PRRT4: variants seen among roughly 807,000 people sequenced by gnomAD.
PRRT4 encodes proline rich transmembrane protein 4.
A neutral mutation model predicts 55.6 loss-of-function variants in PRRT4; 59 were observed. That is an observed-to-expected ratio of 1.06 (90% CI 0.86 to 1.32). The LOEUF (loss-of-function observed/expected upper bound fraction) is 1.32. Among genes scored for constraint, PRRT4 ranks in the 40% most tolerant of loss-of-function variants. The pLI, the probability that PRRT4 is intolerant of heterozygous loss-of-function variation, is 0.00. For synonymous variants in PRRT4, 606 were observed against 601.8 expected (o/e 1.01, Z -0.10); for missense variants, 1,217 against 1,222.0 (o/e 1.00, Z 0.06).
chr7:128,359,538 T>A, exon 2 of PRRT4: 1 of 1,484,718 alleles, frequency 6.7e-7, no homozygotes, highest in Non-Finnish European at 9.0e-7. Context: ...CAGGTCACAG[T>A]GCTCCTCCTG....
Position 128,360,953 on chromosome 7 carries a change from CG to C in PRRT4, c.-73+607del, listed in dbSNP as rs544701498. 4.6e-5 allele frequency among the ~76,000 whole-genome samples: 7 copies of C among 151,904 alleles called. No homozygotes were observed. In the East Asian group the frequency reaches 1.4e-3, roughly 29 times the overall value. Reference sequence around the variant, plus strand: ...ATCTAGCGCCCGTGACACACTCACCCGTCACATACCCCCCTGCCCCTGCACG... The same window carrying C: ...ATCTAGCGCCCGTGACACACTCACCCTCACATACCCCCCTGCCCCTGCACG... On this transcript the variant is annotated intron_variant, in intron 1 of 4. Transcript: ENST00000535159.
chr7:128,359,888 G>A, exon 2 of PRRT4: 1 of 1,464,752 alleles, frequency 6.8e-7, no homozygotes, highest in Non-Finnish European at 9.1e-7. Flanking sequence ...GGTCAAAGTG[G>A]TGGCAGGGGC....
At chr7:128,359,879 G>C in exon 2 of PRRT4, 3 of 1,470,224 alleles carry the variant, frequency 2.0e-6, no homozygotes, top group Non-Finnish European at 2.7e-6. Context: ...AGGTACGGGG[G>C]TCAAAGTGGT....
At chr7:128,352,699 G>A (rs956367556) in intron 4 of PRRT4, 21 bp from the exon 6 acceptor site, 13 of 1,505,640 alleles carry the variant, frequency 8.6e-6, no homozygotes, top group Non-Finnish European at 1.1e-5. Context: ...AGAACGTTTG[G>A]CTTGAGGCAA....
exon 5 of PRRT4, chr7:128,351,434 G>A (rs1418631959): frequency 1.3e-6 from 2 of 1,527,106 alleles, no homozygotes; most frequent in Non-Finnish European, 8.8e-7. Context: ...GAGGAAGCCG[G>A]GGACGGGGCC....
chr7:128,359,046 C>G, intron 3 of PRRT4, 103 bp downstream of exon 4: 1 of 1,298,200 alleles, frequency 7.7e-7, no homozygotes. Flanking sequence ...CTGGAAGAAG[C>G]AATGCAAGAA....
intron 4 of PRRT4, among the ~76,000 whole-genome samples, chr7:128,356,726 T>A (rs914308967): frequency 7.9e-5 from 12 of 152,200 alleles, no homozygotes; most frequent in African/African-American, 2.4e-4. Flanking sequence ...GTTTGATTCA[T>A]GGAAAAGTCA....
exon 1 of PRRT4, chr7:128,361,583 G>GCTCCGAA: frequency 6.6e-6 from 1 of 152,236 alleles, no homozygotes; most frequent in East Asian, 1.9e-4. Context: ...CAGGCCCCGC[G>GCTCCGAA]CTCCGCACTC....
At chr7:128,352,712 A>T in intron 4 of PRRT4, 34 bp from the exon 6 acceptor site, 8 of 1,489,834 alleles carry the variant, frequency 5.4e-6, no homozygotes, top group Non-Finnish European at 7.1e-6. Context: ...TGAGGCAATG[A>T]TGCAGCCCTC....
chr7:128,354,291 C>T (rs530490914), intron 4 of PRRT4, among the ~76,000 whole-genome samples: 25 of 152,148 alleles, frequency 1.6e-4, no homozygotes, highest in Non-Finnish European at 3.1e-4. Context: ...AGGCCTGGCG[C>T]GGTGGCTCAT....
chr7:128,361,236 A>AC (rs1797249258), intron 1 of PRRT4, 70 bp downstream of exon 2: 1 of 125,770 alleles, frequency 8.0e-6, no homozygotes, highest in Non-Finnish European at 1.7e-5. Context: ...CACGCCCACC[A>AC]CCCCTCGCAG....
chr7:128,351,360 G>T, exon 5 of PRRT4: 3 of 1,546,956 alleles, frequency 1.9e-6, no homozygotes, highest in Non-Finnish European at 2.6e-6. Context: ...GGGCCTCCTC[G>T]ATGCTGCGTC....
chr7:128,352,644 G>T (rs1327528410), exon 5 of PRRT4: 1 of 1,538,208 alleles, frequency 6.5e-7, no homozygotes, highest in Admixed American at 2.0e-5. Context: ...CGGGAGGAGA[G>T]AGGTCATCTG....
At position 128,361,099 on chromosome 7, in the gene PRRT4, T is replaced by A. The variant is rs1398913740; in HGVS notation, c.-73+462A>T. On this transcript the variant is annotated intron_variant, in intron 1 of 4. Coordinates refer to ENST00000535159, the Ensembl canonical transcript of PRRT4. ...CTGTCTCTCTCTCTCTCTCTCTCTCTCTCTCACACACACACACACACACAC... is the reference window on the plus strand; with the variant it reads ...CTGTCTCTCTCTCTCTCTCTCTCTCACTCTCACACACACACACACACACAC... 4.6e-3 allele frequency among the ~76,000 whole-genome samples: 590 copies of A among 127,440 alleles called. 4 individuals carry two copies. Among genetic ancestry groups the A allele is most frequent in the African/African-American group, 0.013 (379 of 29,506 alleles). 83.6% of individuals were successfully genotyped at this position (127,440 alleles called of 152,430 possible).
At chr7:128,359,897 G>A (rs1367546452) in exon 2 of PRRT4, 2 of 1,460,612 alleles carry the variant, frequency 1.4e-6, no homozygotes, top group South Asian at 1.4e-5. Context: ...GGTGGCAGGG[G>A]CACCTGGGAT....
At chr7:128,359,466 G>A in exon 2 of PRRT4, 12 of 1,462,694 alleles carry the variant, frequency 8.2e-6, no homozygotes, top group Non-Finnish European at 1.1e-5. Flanking sequence ...TTCAGCTCCA[G>A]CTCGCTCTGG....
rs191950093 is a variant in PRRT4 at position 128,354,197 on chromosome 7, G to A, written c.878-1519C>T. Among the ~76,000 whole-genome samples the A allele has an allele frequency of 4.1e-4, 63 of 152,280 alleles. No individual in the cohort carries two copies. The East Asian group carries it at 8.5e-3, about 21-fold the overall frequency. On this transcript the variant is annotated intron_variant, in intron 4 of 4. Coordinates refer to ENST00000535159, the Ensembl canonical transcript of PRRT4. The stretch of plus-strand genomic sequence containing the variant: ...GCCCTGCCCTGGCCATGCCCTAGCT[G>A]GACAACACAGGAAGACCCCAGGAGC...
At chr7:128,354,572 C>A (rs567050391) in intron 4 of PRRT4, among the ~76,000 whole-genome samples, 168 of 127,522 alleles carry the variant, frequency 1.3e-3, no homozygotes, top group East Asian at 0.012. Context: ...TCAAAAAAAA[C>A]ACACACACAC....
exon 5 of PRRT4, chr7:128,352,109 G>A: frequency 1.7e-6 from 2 of 1,158,908 alleles, no homozygotes; most frequent in Non-Finnish European, 1.1e-6. Flanking sequence ...GCGCTCCCGA[G>A]GGCGGCGGCG....
Sources: gnomAD v4.1 joint callset for allele counts (sites outside exome capture counted in the v4.1 genomes callset) on GRCh38, gnomAD v4.1.1 for gene constraint, MANE v1.5 for transcripts, NCBI Gene and HGNC (gene_info 2026-07-23, HGNC 2026-07-21) for gene names.